Variants in GRM8 observed in about 807,000 individuals in gnomAD.
GRM8 encodes the protein metabotropic glutamate receptor 8.
A neutral mutation model predicts 87.2 loss-of-function variants in GRM8; 47 were observed. That is an observed-to-expected ratio of 0.54 (90% CI 0.43 to 0.69). GRM8 has a LOEUF of 0.69. GRM8 is among the 30% of genes least tolerant of loss of function. The pLI, the probability that GRM8 is intolerant of heterozygous loss-of-function variation, is 0.00. For missense variants in GRM8, 1,019 were observed against 1,139.2 expected (o/e 0.89, Z 1.52); for synonymous variants, 396 against 404.5 (o/e 0.98, Z 0.25).
At chr7:127,161,144 G>A (rs558277176) in intron 2 of GRM8, among the ~76,000 whole-genome samples, 1 of 151,994 alleles carries the variant, frequency 6.6e-6, no homozygotes, top group Non-Finnish European at 1.5e-5. Flanking sequence ...GAAGAAACGC[G>A]ACTATACAAA....
intron 2 of GRM8, among the ~76,000 whole-genome samples, chr7:127,174,813 T>C (rs145205372): frequency 2.6e-5 from 4 of 152,328 alleles, no homozygotes; most frequent in African/African-American, 7.2e-5. Flanking sequence ...TTACCAGTAA[T>C]CACAGTTCTA....
chr7:127,028,983 AT>A (rs1169937951), intron 3 of GRM8, among the ~76,000 whole-genome samples: 3 of 152,106 alleles, frequency 2.0e-5, no homozygotes, highest in African/African-American at 7.2e-5. Flanking sequence ...AGTGCTATAA[AT>A]TTCCCTCTAC....
intron 3 of GRM8, among the ~76,000 whole-genome samples, chr7:127,068,697 A>G (rs1189193193): frequency 6.6e-6 from 1 of 152,210 alleles, no homozygotes; most frequent in East Asian, 1.9e-4. Flanking sequence ...TACCGACTGA[A>G]GACAAGATTG....
At chr7:126,630,859 A>G (rs10240522) in intron 7 of GRM8, among the ~76,000 whole-genome samples, 3,136 of 152,236 alleles carry the variant, frequency 0.021, 123 homozygotes, top group African/African-American at 0.072. Context: ...TCAATAAACT[A>G]GGTATTGAAG....
intron 6 of GRM8, among the ~76,000 whole-genome samples, chr7:126,843,865 T>C (rs1369511945): frequency 1.3e-5 from 2 of 152,196 alleles, no homozygotes; most frequent in Non-Finnish European, 2.9e-5. Flanking sequence ...AGTAACTTCT[T>C]TCAGTTCTTT....
At chr7:126,832,614 TA>T (rs1795499385) in intron 6 of GRM8, among the ~76,000 whole-genome samples, 1 of 152,210 alleles carries the variant, frequency 6.6e-6, no homozygotes, top group African/African-American at 2.4e-5. Context: ...GTCATAGTAC[TA>T]AGAAGAGATT....
intron 9 of GRM8, among the ~76,000 whole-genome samples, chr7:126,461,475 G>C (rs990815225): frequency 4.6e-5 from 7 of 151,530 alleles, no homozygotes; most frequent in African/African-American, 1.5e-4. Context: ...TTCAAGTCAT[G>C]GTTGTCTTTA....
chr7:126,533,507 G>A lies in GRM8; in HGVS notation c.1875C>T (p.Leu625=), dbSNP rs142349721. The A allele has an allele frequency of 2.5e-6, 4 of 1,613,954 alleles. No homozygotes were observed. The African/African-American group carries it at 4.0e-5, about 16-fold the overall frequency. ...AATAACAGAGAAAAATCCCCGTTAGGAGCACGTAACTAAGTTCGCGTCCTG... is the reference window on the plus strand; with the variant it reads ...AATAACAGAGAAAAATCCCCGTTAGAAGCACGTAACTAAGTTCGCGTCCTG... ...RASGRELSYV[L]LTGIFLCYSI... The change falls in exon 9 of 11, where the codon CTC becomes CTT. Residue 625 remains leucine, a synonymous_variant. Transcript: ENST00000339582.
At position 126,990,696 on chromosome 7, in the gene GRM8, G is replaced by A. The variant is rs141050057; in HGVS notation, c.728-86013C>T. On this transcript the variant is annotated intron_variant, in intron 3 of 10. Transcript: ENST00000339582. ...TGGGCAACTTAATAAACTTTTCCAA[G>A]CCTCCATTTCTCATCTGTAAATGGG... 4.0e-3 allele frequency among the ~76,000 whole-genome samples: 611 copies of A among 152,284 alleles called. 6 individuals carry two copies. Among genetic ancestry groups the A allele is most frequent in the African/African-American group, 0.014 (582 of 41,556 alleles).
chr7:126,935,218 C>G (rs1426238222), intron 3 of GRM8, among the ~76,000 whole-genome samples: 2 of 152,094 alleles, frequency 1.3e-5, no homozygotes, highest in Non-Finnish European at 2.9e-5. Flanking sequence ...TACAGAGAGG[C>G]ATCATGTTTG....
intron 2 of GRM8, among the ~76,000 whole-genome samples, chr7:127,120,733 T>C (rs1827037793): frequency 6.6e-6 from 1 of 152,270 alleles, no homozygotes; most frequent in Non-Finnish European, 1.5e-5. Context: ...AAAAGCTCCC[T>C]CTAATTCACT....
intron 8 of GRM8, among the ~76,000 whole-genome samples, chr7:126,604,853 T>G (rs1287702436): frequency 6.6e-6 from 1 of 152,176 alleles, no homozygotes; most frequent in Non-Finnish European, 1.5e-5. Context: ...AGGTTCAAAA[T>G]TATTAATTCA....
At chr7:127,207,209 C>T (rs1209318564) in intron 2 of GRM8, among the ~76,000 whole-genome samples, 1 of 152,030 alleles carries the variant, frequency 6.6e-6, no homozygotes, top group African/African-American at 2.4e-5. Context: ...TATTAAATTG[C>T]TGATTATGTT....
At chr7:126,738,704 G>C (rs2237766) in intron 7 of GRM8, among the ~76,000 whole-genome samples, 52,553 of 137,642 alleles carry the variant, frequency 0.38, 10,230 homozygotes, top group South Asian at 0.5. Flanking sequence ...GGGGGTGAGT[G>C]GGGGGTTGGG....
chr7:126,631,414 T>C (rs1350431690), intron 7 of GRM8, among the ~76,000 whole-genome samples: 4 of 152,168 alleles, frequency 2.6e-5, no homozygotes, highest in Non-Finnish European at 2.9e-5. Flanking sequence ...CATTTCATAA[T>C]CATGGATAGG....
intron 3 of GRM8, among the ~76,000 whole-genome samples, chr7:126,969,285 G>A (rs942442373): frequency 6.6e-6 from 1 of 152,120 alleles, no homozygotes. Context: ...CCTTTCACAA[G>A]AAATTTCTTG....
intron 3 of GRM8, among the ~76,000 whole-genome samples, chr7:126,977,612 T>TA (rs1160636675): frequency 6.6e-6 from 1 of 152,212 alleles, no homozygotes; most frequent in African/African-American, 2.4e-5. Flanking sequence ...ATCTTGTAGA[T>TA]AAAATGGATT....
chr7:127,210,167 C>T (rs17864159), intron 2 of GRM8, among the ~76,000 whole-genome samples: 6,967 of 152,196 alleles, frequency 0.046, 311 homozygotes, highest in Non-Finnish European at 0.059. Context: ...TAGCTCAATG[C>T]CTGGATTATG....
chr7:126,857,637 T>C (rs892284383), intron 6 of GRM8, among the ~76,000 whole-genome samples: 3 of 152,220 alleles, frequency 2.0e-5, no homozygotes, highest in Admixed American at 1.3e-4. Context: ...AGGTCTTCTT[T>C]ACTTCTCTGT....
Sources: gnomAD v4.1 joint callset for allele counts (sites outside exome capture counted in the v4.1 genomes callset) on GRCh38, gnomAD v4.1.1 for gene constraint, MANE v1.5 for transcripts, NCBI Gene and HGNC (gene_info 2026-07-23, HGNC 2026-07-21) for gene names.